Variants in SVOP observed in about 807,000 individuals in gnomAD.
The protein encoded by SVOP is synaptic vesicle 2-related protein.
A neutral mutation model predicts 69.1 loss-of-function variants in SVOP; 17 were observed. The ratio of observed to expected loss-of-function variants is 0.25; its 90% confidence interval spans 0.17 to 0.37. SVOP has a LOEUF of 0.37. Ranked by LOEUF, SVOP falls within the 10% of genes least tolerant of loss-of-function variation. SVOP has a pLI of 1.00. For missense variants in SVOP, 435 were observed against 597.5 expected (o/e 0.73, Z 2.84); for synonymous variants, 238 against 238.6 (o/e 1.00, Z 0.02).
chr12:109,012,205 C>G (rs1229303740), intron 1 of SVOP, among the ~76,000 whole-genome samples: 8 of 151,898 alleles, frequency 5.3e-5, no homozygotes, highest in African/African-American at 1.9e-4. Flanking sequence ...ATCGCTTGAG[C>G]CTGAGAGGTG....
chr12:109,012,877 C>T (rs1254769371), intron 1 of SVOP, among the ~76,000 whole-genome samples: 2 of 152,140 alleles, frequency 1.3e-5, no homozygotes, highest in African/African-American at 2.4e-5. Context: ...TGCCGTGAGC[C>T]ATGATTGTGC....
chr12:108,970,561 T>C (rs2040073188), intron 5 of SVOP, among the ~76,000 whole-genome samples: 1 of 151,544 alleles, frequency 6.6e-6, no homozygotes. Flanking sequence ...TCTAGGTTTG[T>C]TGAGGTAGCC....
chr12:108,938,716 G>A, intron 9 of SVOP, 111 bp downstream of exon 9: 1 of 1,534,132 alleles, frequency 6.5e-7, no homozygotes, highest in Non-Finnish European at 8.9e-7. Context: ...CCCCACCTTG[G>A]GTACACATAC....
At chr12:108,960,110 G>C (rs149158853) in intron 6 of SVOP, among the ~76,000 whole-genome samples, 13 of 152,260 alleles carry the variant, frequency 8.5e-5, no homozygotes, top group Admixed American at 3.3e-4. Flanking sequence ...AGTCCAACAC[G>C]CATTTTCTAT....
intron 1 of SVOP, among the ~76,000 whole-genome samples, chr12:109,005,432 A>G (rs1440756200): frequency 2.0e-5 from 3 of 152,234 alleles, no homozygotes; most frequent in Non-Finnish European, 4.4e-5. Flanking sequence ...CAGTACTTCC[A>G]TAAGCATCTA....
intron 4 of SVOP, among the ~76,000 whole-genome samples, chr12:108,975,371 T>C (rs1398191183): frequency 6.6e-6 from 1 of 152,244 alleles, no homozygotes; most frequent in Non-Finnish European, 1.5e-5. Context: ...TTAATGGCTC[T>C]ACCTAGCCCA....
chr12:108,957,163 T>C (rs141601078), intron 6 of SVOP, among the ~76,000 whole-genome samples: 122,635 of 151,902 alleles, frequency 0.81, 49,996 homozygotes, highest in East Asian at 0.96. Context: ...AGCAAGAGTC[T>C]CAGTAGAATG....
chr12:109,018,508 C>T (rs1357754146), intron 1 of SVOP, among the ~76,000 whole-genome samples: 1 of 152,296 alleles, frequency 6.6e-6, no homozygotes, highest in Admixed American at 6.5e-5. Flanking sequence ...TGCCAACCCT[C>T]TACAAGGCAC....
chr12:108,919,137 T>C (rs1273346614), intron 13 of SVOP, among the ~76,000 whole-genome samples: 1 of 148,894 alleles, frequency 6.7e-6, no homozygotes, highest in Non-Finnish European at 1.5e-5. Flanking sequence ...CACCCATACT[T>C]GGGCCAATAC....
intron 5 of SVOP, among the ~76,000 whole-genome samples, chr12:108,966,999 C>T (rs548772178): frequency 6.6e-6 from 1 of 152,036 alleles, no homozygotes; most frequent in Non-Finnish European, 1.5e-5. Flanking sequence ...GTACAAGGGC[C>T]ATTTACTCCT....
chr12:109,020,381 C>T (rs566606415), intron 1 of SVOP, among the ~76,000 whole-genome samples: 121 of 152,208 alleles, frequency 7.9e-4, no homozygotes, highest in African/African-American at 2.7e-3. Context: ...TTTTTATCAA[C>T]CAGTTTGCAG....
intron 6 of SVOP, among the ~76,000 whole-genome samples, chr12:108,947,262 C>CTGCGCTCAG (rs1212304944): frequency 6.6e-6 from 1 of 152,058 alleles, no homozygotes; most frequent in Non-Finnish European, 1.5e-5. Flanking sequence ...ACCAAGATCT[C>CTGCGCTCAG]TGTGCTCAGT....
chr12:108,998,502 A>T (rs1234969510), intron 1 of SVOP, among the ~76,000 whole-genome samples: 1 of 151,848 alleles, frequency 6.6e-6, no homozygotes, highest in Non-Finnish European at 1.5e-5. Flanking sequence ...TCCAAGACAC[A>T]TAATTGTCAG....
intron 2 of SVOP, among the ~76,000 whole-genome samples, chr12:108,981,225 A>T (rs1776659399): frequency 6.6e-6 from 1 of 152,142 alleles, no homozygotes; most frequent in African/African-American, 2.4e-5. Flanking sequence ...ATTTCATTTA[A>T]TCCCCATCAC....
chr12:108,954,045 G>C (rs573171761), intron 6 of SVOP, among the ~76,000 whole-genome samples: 30 of 149,750 alleles, frequency 2.0e-4, no homozygotes, highest in Non-Finnish European at 3.7e-4. Flanking sequence ...CCAGGAGGTG[G>C]AGGTTGCAGT....
intron 11 of SVOP, among the ~76,000 whole-genome samples, 197 bp downstream of exon 11, chr12:108,933,998 A>T (rs1187671248): frequency 6.6e-6 from 1 of 152,192 alleles, no homozygotes; most frequent in African/African-American, 2.4e-5. Context: ...CCAAACCCTG[A>T]CATAAGATGT....
At position 108,922,868 on chromosome 12, in the gene SVOP, T is replaced by C. The variant is rs369483760; in HGVS notation, c.1049-71A>G. 10 of 1,039,222 alleles carry C rather than the reference T, an allele frequency of 9.6e-6. No homozygotes were observed. The East Asian group carries it at 1.6e-4, about 16-fold the overall frequency. 64.4% of individuals were successfully genotyped at this position (1,039,222 alleles called of 1,614,324 possible). On this transcript the variant is annotated intron_variant, in intron 11 of 15. Transcript: ENST00000610966. Reference sequence around the variant, plus strand: ...TTGAATCACACCTTCCTGCTCCCCATACCTCCTTCCCTGGGGTGATTCAGT... The same window carrying C: ...TTGAATCACACCTTCCTGCTCCCCACACCTCCTTCCCTGGGGTGATTCAGT...
At position 108,940,674 on chromosome 12, in the gene SVOP, A is replaced by G. The variant is rs1593184399; in HGVS notation, c.768+110T>C. 4 of 1,437,690 alleles carry G rather than the reference A, an allele frequency of 2.8e-6. No homozygotes were observed. In the African/African-American group the frequency reaches 4.3e-5, roughly 15 times the overall value. The allele number at this position is 1,437,690 out of a possible 1,614,324, so 89.1% of individuals were successfully genotyped here. ...TGTCTCATTTCCTGATTTAAAAAAA[A>G]TAATCTTGAAAGGTGGCTTTGGTAT... On this transcript the variant is annotated intron_variant, in intron 8 of 15. Coordinates refer to ENST00000610966, the MANE Select transcript of SVOP (RefSeq NM_018711.5).
intron 7 of SVOP, 30 bp downstream of exon 7, chr12:108,945,073 T>G (rs747278232): frequency 2.4e-5 from 37 of 1,535,670 alleles, no homozygotes; most frequent in Middle Eastern, 1.7e-4. Flanking sequence ...ATCCACATGC[T>G]CTAGAGACCC....
Sources: gnomAD v4.1 joint callset for allele counts (sites outside exome capture counted in the v4.1 genomes callset) on GRCh38, gnomAD v4.1.1 for gene constraint, MANE v1.5 for transcripts, NCBI Gene and HGNC (gene_info 2026-07-23, HGNC 2026-07-21) for gene names.